NYAP2: variants seen among roughly 807,000 people sequenced by gnomAD.
NYAP2 encodes the protein neuronal tyrosine-phosphorylated phosphoinositide-3-kinase adaptor 2, also known as neuronal tyrosine-phosphorylated phosphoinositide-3-kinase adapter 2.
In NYAP2, 23 loss-of-function variants were observed where a neutral mutation model predicts 50.4. The observed-to-expected ratio is 0.46, with a 90% CI of 0.33 to 0.65. The LOEUF is 0.65. NYAP2 is among the 30% of genes least tolerant of loss of function. The probability of loss-of-function intolerance (pLI) is 0.02; values close to 1 mark genes in which losing one functional copy is unlikely to be tolerated. For missense variants in NYAP2, 885 were observed against 861.0 expected, an observed-to-expected ratio of 1.03 and a Z score of -0.35; for synonymous variants, 394 against 365.2, an observed-to-expected ratio of 1.08 and a Z score of -0.90.
intron 6 of NYAP2, among the ~76,000 whole-genome samples, chr2:225,647,169 T>C (rs370478589): frequency 2.0e-5 from 3 of 152,316 alleles, no homozygotes; most frequent in Admixed American, 6.5e-5. Flanking sequence ...ATACTGAATT[T>C]TCTCATTCCA....
At chr2:225,680,389 A>G in the NYAP2 span, among the ~76,000 whole-genome samples, 5 of 152,162 alleles carry the variant, frequency 3.3e-5, no homozygotes, top group Non-Finnish European at 7.4e-5. Context: ...CTTATAGAGT[A>G]GATTCTGTCC....
At chr2:225,438,001 T>C (rs1425116201) in intron 3 of NYAP2, among the ~76,000 whole-genome samples, 1 of 152,186 alleles carries the variant, frequency 6.6e-6, no homozygotes, top group African/African-American at 2.4e-5. Context: ...CTTACTCTCA[T>C]TCTTGCCCTC....
chr2:225,478,441 C>T (rs192467420), intron 3 of NYAP2, among the ~76,000 whole-genome samples: 18 of 152,280 alleles, frequency 1.2e-4, no homozygotes, highest in Admixed American at 9.1e-4. Context: ...CAGAAGAACT[C>T]ACAGCAGGTT....
intron 3 of NYAP2, among the ~76,000 whole-genome samples, chr2:225,511,627 G>C (rs910474641): frequency 3.9e-5 from 6 of 152,096 alleles, no homozygotes; most frequent in African/African-American, 1.4e-4. Flanking sequence ...TGAGTGGCAA[G>C]TTATCATTGG....
chr2:225,634,808 T>A (rs1445653444), intron 6 of NYAP2, among the ~76,000 whole-genome samples: 1 of 152,110 alleles, frequency 6.6e-6, no homozygotes, highest in African/African-American at 2.4e-5. Flanking sequence ...ACATTAAAGA[T>A]TGAAGAGATC....
chr2:225,608,522 A>G (rs546329670), intron 5 of NYAP2, among the ~76,000 whole-genome samples: 1 of 152,212 alleles, frequency 6.6e-6, no homozygotes, highest in Admixed American at 6.5e-5. Context: ...CTTCTTTTCT[A>G]TGTAAATTCA....
At chr2:225,690,116 G>T in the NYAP2 span, among the ~76,000 whole-genome samples, 6 of 151,984 alleles carry the variant, frequency 3.9e-5, no homozygotes. Context: ...TGGCACAAAT[G>T]GTGTCTATAA....
intron 3 of NYAP2, among the ~76,000 whole-genome samples, chr2:225,448,420 A>G (rs1207086141): frequency 6.6e-6 from 1 of 152,216 alleles, no homozygotes; most frequent in Non-Finnish European, 1.5e-5. Flanking sequence ...GAAGGATGCT[A>G]GATTATTGAA....
At chr2:225,570,678 A>G (rs1210696915) in intron 4 of NYAP2, among the ~76,000 whole-genome samples, 1 of 152,212 alleles carries the variant, frequency 6.6e-6, no homozygotes, top group East Asian at 1.9e-4. Context: ...CATGGGGATT[A>G]TGGGAACTAT....
intron 6 of NYAP2, among the ~76,000 whole-genome samples, chr2:225,648,971 G>A (rs971533581): frequency 6.6e-6 from 1 of 152,160 alleles, no homozygotes; most frequent in Non-Finnish European, 1.5e-5. Flanking sequence ...TTGAGAGAGA[G>A]GTGAAGGAAT....
In NYAP2 at chr2:225,457,819, G is replaced by A. The variant is rs1305793600; in HGVS notation, c.221+48718G>A. On this transcript the variant is annotated intron_variant, in intron 3 of 6. Transcript: ENST00000636099. ...AAAGATAGTGCTTAATGAAACATTT[G>A]CTTTTCTGTATTAAACATCATGAGA... Among the ~76,000 whole-genome samples, 3 of 152,266 alleles carry A rather than the reference G, an allele frequency of 2.0e-5. No homozygotes were observed. The East Asian group carries it at 5.8e-4, about 29-fold the overall frequency.
intron 3 of NYAP2, among the ~76,000 whole-genome samples, chr2:225,449,601 C>CTTTTTTTTTTTT (rs201552006): frequency 1.0e-5 from 1 of 96,314 alleles, no homozygotes; most frequent in South Asian, 3.7e-4. Flanking sequence ...CTCTCTTTCT[C>CTTTTTTTTTTTT]TTTTTTTTTT....
the NYAP2 span, among the ~76,000 whole-genome samples, chr2:225,663,660 C>T: frequency 1.6e-4 from 24 of 150,864 alleles, no homozygotes; most frequent in Non-Finnish European, 2.4e-4. Context: ...CAGGTTCAAG[C>T]GATTCTCCTG....
At chr2:225,630,585 T>C (rs76056093) in intron 6 of NYAP2, among the ~76,000 whole-genome samples, 5,077 of 152,306 alleles carry the variant, frequency 0.033, 133 homozygotes, top group Non-Finnish European at 0.046. Flanking sequence ...CAAGGGTCCT[T>C]TGCCTTCCAT....
At chr2:225,686,846 G>C in the NYAP2 span, among the ~76,000 whole-genome samples, 3 of 152,254 alleles carry the variant, frequency 2.0e-5, no homozygotes, top group South Asian at 4.1e-4. Flanking sequence ...GACAATGGTA[G>C]TGATGACAAC....
intron 4 of NYAP2, among the ~76,000 whole-genome samples, chr2:225,546,514 C>T (rs1479020640): frequency 1.3e-5 from 2 of 152,018 alleles, no homozygotes; most frequent in South Asian, 2.1e-4. Flanking sequence ...CCGATATTCA[C>T]TTAAGGACCC....
chr2:225,503,259 C>T (rs1432556874), intron 3 of NYAP2, among the ~76,000 whole-genome samples: 1 of 152,166 alleles, frequency 6.6e-6, no homozygotes, highest in Admixed American at 6.5e-5. Context: ...AAAAGATCTC[C>T]CACGATGTGA....
rs140061300 is a variant in NYAP2 at position 225,632,188 on chromosome 2, C to G, written c.1828+5062C>G. ...GTCCAAAATAAGCAAGTAGGTACAT[C>G]AAGAGGGAGTTTTAGACTTTCTGTT... On this transcript the variant is annotated intron_variant, in intron 6 of 6. Coordinates refer to ENST00000636099, the Ensembl canonical transcript of NYAP2. 2.6e-5 allele frequency among the ~76,000 whole-genome samples: 4 copies of G among 152,274 alleles called. No individual in the cohort carries two copies. The East Asian group carries it at 7.7e-4, about 29-fold the overall frequency.
At chr2:225,664,855 A>G in the NYAP2 span, among the ~76,000 whole-genome samples, 1 of 152,192 alleles carries the variant, frequency 6.6e-6, no homozygotes, top group African/African-American at 2.4e-5. Context: ...CCTGGGCGAC[A>G]GAGCGAGAGT....
Sources: allele counts gnomAD v4.1 joint callset (sites outside exome capture counted in the v4.1 genomes callset), GRCh38; gene constraint gnomAD v4.1.1; transcripts MANE v1.5; gene names NCBI Gene and HGNC (gene_info 2026-07-23, HGNC 2026-07-21).